Variants in FHIP2A observed in about 807,000 individuals in gnomAD.
The protein encoded by FHIP2A is FHF complex subunit HOOK interacting protein 2A.
FHIP2A carries 46 observed loss-of-function variants against 93.5 expected under a neutral mutation model. That is an observed-to-expected ratio of 0.49 (90% confidence interval 0.39 to 0.63). The LOEUF is 0.63. FHIP2A is among the 20% of genes least tolerant of loss of function. The probability of loss-of-function intolerance (pLI) is 0.00; values close to 1 mark genes in which losing one functional copy is unlikely to be tolerated. For missense variants in FHIP2A, 769 were observed against 909.7 expected (o/e 0.85, Z 1.99); for synonymous variants, 332 against 326.5 (o/e 1.02, Z -0.18).
At chr10:114,846,939 T>C in intron 11 of FHIP2A, 151 bp from the exon 12 acceptor site, 2 of 810,266 alleles carry the variant, frequency 2.5e-6, no homozygotes, top group South Asian at 1.9e-5. Context: ...TAGTATAGAA[T>C]GTTAATTTGC....
chr10:114,880,804 G>C (rs1018544059), intron 16 of FHIP2A, among the ~76,000 whole-genome samples: 1 of 152,064 alleles, frequency 6.6e-6, no homozygotes, highest in Non-Finnish European at 1.5e-5. Context: ...TGATGCTGTA[G>C]GGCATGAGAC....
intron 5 of FHIP2A, among the ~76,000 whole-genome samples, chr10:114,838,770 C>A (rs755029168): frequency 6.6e-6 from 1 of 152,130 alleles, no homozygotes. Flanking sequence ...TACCTGTCTT[C>A]GGAAAAACAT....
rs117314622 is a variant in FHIP2A at position 114,844,179 on chromosome 10, G to T, written c.1013+242G>T. On this transcript the variant is annotated intron_variant, in intron 7 of 16. Transcript: ENST00000369248. Reference sequence around the variant, plus strand: ...TCCATTTTACTGATCAATTTTTAAGGGCTTACATTAAAATCAATAATTTTA... The same window carrying T: ...TCCATTTTACTGATCAATTTTTAAGTGCTTACATTAAAATCAATAATTTTA... 1.2e-4 allele frequency among the ~76,000 whole-genome samples: 18 copies of T among 152,006 alleles called. No homozygotes were observed. In the East Asian group the frequency reaches 1.9e-3, roughly 16 times the overall value.
intron 15 of FHIP2A, 53 bp from the exon 16 acceptor site, chr10:114,861,178 G>T: frequency 1.3e-6 from 2 of 1,596,606 alleles, no homozygotes; most frequent in Non-Finnish European, 1.7e-6. Flanking sequence ...AGATCCTGAG[G>T]TTGTCTGTGT....
chr10:114,880,354 T>C (rs2083910787), intron 16 of FHIP2A, among the ~76,000 whole-genome samples: 1 of 152,194 alleles, frequency 6.6e-6, no homozygotes. Flanking sequence ...GTGAATTGTA[T>C]AGTATGTGAA....
At chr10:114,849,521 T>G (rs2083722098) in intron 13 of FHIP2A, among the ~76,000 whole-genome samples, 1 of 152,222 alleles carries the variant, frequency 6.6e-6, no homozygotes, top group Non-Finnish European at 1.5e-5. Flanking sequence ...AAGGAGACTT[T>G]TCTCATTCTT....
downstream of FHIP2A, among the ~76,000 whole-genome samples, chr10:114,868,330 C>T (rs966201160): frequency 6.6e-6 from 1 of 152,088 alleles, no homozygotes; most frequent in African/African-American, 2.4e-5. Flanking sequence ...AGCACCAACC[C>T]TACTGTGAAC....
chr10:114,891,537 A>ATGTGTGTGTGTGTGTG (rs34032569), intron 16 of FHIP2A, among the ~76,000 whole-genome samples: 77 of 137,202 alleles, frequency 5.6e-4, no homozygotes, highest in Admixed American at 2.0e-3. Flanking sequence ...ATATATATAT[A>ATGTGTGTGTGTGTGTG]TGTGTGTGTG....
At chr10:114,833,178 CAAATATGCAGTTTAAAAATGTTT>C in intron 2 of FHIP2A, 32 bp from the exon 3 acceptor site, 4 of 1,390,130 alleles carry the variant, frequency 2.9e-6, no homozygotes, top group Non-Finnish European at 3.0e-6. Context: ...ATTTTAGGTG[CAAATATGCAGTTTAAAAATGTTT>C]AAATATTTGA....
In FHIP2A at chr10:114,846,603, A is replaced by G; in HGVS notation, c.1443A>G (p.Lys481=). 6.2e-7 allele frequency: 1 copy of G among 1,606,814 alleles called. No individual in the cohort carries two copies. Among genetic ancestry groups the G allele is most frequent in the Non-Finnish European group, 8.5e-7 (1 of 1,178,256 alleles). Residue 481 remains lysine (K), a synonymous_variant, in exon 11 of 17, where the codon AAA becomes AAG. Transcript: ENST00000369248. ...TLRMFEHLLQ[K]PNEHILYNLV... is the part of the protein sequence containing the mutation. ...GAATGTTTGAACATCTTTTACAAAA[A>G]CCCAATGAGCACATTCTTTACAACT...
intron 5 of FHIP2A, among the ~76,000 whole-genome samples, chr10:114,839,682 A>G (rs1179146250): frequency 6.6e-6 from 1 of 151,854 alleles, no homozygotes; most frequent in African/African-American, 2.4e-5. Flanking sequence ...ATCAATCAAG[A>G]TCATCCTGGC....
intron 14 of FHIP2A, among the ~76,000 whole-genome samples, chr10:114,859,834 A>G (rs1256617316): frequency 6.6e-6 from 1 of 152,204 alleles, no homozygotes; most frequent in Non-Finnish European, 1.5e-5. Context: ...GCAAGAAATG[A>G]GATGATCCCT....
chr10:114,861,486 T>C lies in FHIP2A; in HGVS notation c.2244T>C (p.Cys748=), dbSNP rs896121477. Residue 748 remains cysteine, a synonymous_variant, in exon 17 of 17, where the codon TGT becomes TGC. Transcript: ENST00000369248. The stretch of plus-strand genomic sequence containing the variant: ...GTGTGATTGTGTTAGAAGAGTTCTG[T>C]AAGGAGCTGGCGGCAATCGCATTTG... The part of the protein sequence containing the change: ...LEGVIVLEEF[C]KELAAIAFVK... 2 of 1,614,026 alleles carry C rather than the reference T, an allele frequency of 1.2e-6. No homozygotes were observed. The highest frequency in any genetic ancestry group is 2.7e-5 in the African/African-American group (2 of 74,940).
chr10:114,887,991 A>G (rs1306280152), intron 16 of FHIP2A, among the ~76,000 whole-genome samples: 1 of 152,158 alleles, frequency 6.6e-6, no homozygotes, highest in Non-Finnish European at 1.5e-5. Flanking sequence ...TATTGGAAGG[A>G]GAGGAAAGGA....
intron 1 of FHIP2A, among the ~76,000 whole-genome samples, chr10:114,827,840 T>C (rs2083586359): frequency 6.7e-6 from 1 of 150,280 alleles, no homozygotes; most frequent in Non-Finnish European, 1.5e-5. Flanking sequence ...ATATAGGGAC[T>C]CCATCCTAGG....
At position 114,884,821 on chromosome 10, in the gene FHIP2A, G is replaced by A. The variant is rs144618474; in HGVS notation, c.2193-14669G>A. On this transcript the variant is annotated intron_variant, in intron 16 of 16. Coordinates refer to the FHIP2A transcript ENST00000369250. The stretch of plus-strand genomic sequence containing the variant: ...CCCAGGTACTTGGGAGGCTGAGGCA[G>A]GAGAATCGCTTGAACCTAGGAGGCG... Among the ~76,000 whole-genome samples, 313 of 151,994 alleles carry A rather than the reference G, an allele frequency of 2.1e-3. 1 individual carries two copies. Among genetic ancestry groups the A allele is most frequent in the African/African-American group, 7.4e-3 (305 of 41,430 alleles).
intron 16 of FHIP2A, among the ~76,000 whole-genome samples, chr10:114,890,486 T>C (rs1475648904): frequency 2.7e-5 from 4 of 148,284 alleles, no homozygotes; most frequent in South Asian, 4.2e-4. Flanking sequence ...ATACAATATA[T>C]ACTATATATG....
intron 16 of FHIP2A, among the ~76,000 whole-genome samples, chr10:114,890,035 T>C (rs543707824): frequency 6.8e-6 from 1 of 148,068 alleles, no homozygotes; most frequent in African/African-American, 2.4e-5. Flanking sequence ...TATTTTCTTT[T>C]CTTTTTTTTT....
At position 114,845,357 on chromosome 10, in the gene FHIP2A, T is replaced by G; in HGVS notation, c.1014-10T>G. 6.5e-7 allele frequency: 1 copy of G among 1,537,982 alleles called. No homozygotes were observed. The highest frequency in any genetic ancestry group is 9.0e-7 in the Non-Finnish European group (1 of 1,113,364). On this transcript the variant is annotated splice_polypyrimidine_tract_variant and intron_variant, in intron 7 of 16. Transcript: ENST00000369248. ...AACTTTGGACTTAGCAATTCTTCCT[T>G]GTCTTACAGCTTGGACTCATATAGT...
Sources: allele counts gnomAD v4.1 joint callset (sites outside exome capture counted in the v4.1 genomes callset), GRCh38; gene constraint gnomAD v4.1.1; transcripts MANE v1.5; gene names NCBI Gene and HGNC (gene_info 2026-07-23, HGNC 2026-07-21).